The following CA8 variants were observed in gnomAD, a reference collection of about 807,000 sequenced individuals.
CA8 encodes carbonic anhydrase 8 (inactive).
In CA8, 22 loss-of-function variants were observed where a neutral mutation model predicts 41.4. The observed-to-expected ratio is 0.53, with a 90% CI of 0.38 to 0.76. The LOEUF (loss-of-function observed/expected upper bound fraction) is 0.76. Ranked by LOEUF, CA8 falls within the 30% of genes least tolerant of loss-of-function variation. The pLI is 0.00. For synonymous variants in CA8, 121 were observed against 130.6 expected, an observed-to-expected ratio of 0.93 and a Z score of 0.50; for missense variants, 270 against 352.8, an observed-to-expected ratio of 0.77 and a Z score of 1.88.
At chr8:60,239,957 TTCTTTATAAATTACCCAGTGTTGGCTATG>T (rs1807963173) in intron 3 of CA8, among the ~76,000 whole-genome samples, 1 of 152,236 alleles carries the variant, frequency 6.6e-6, no homozygotes, top group African/African-American at 2.4e-5. Flanking sequence ...AAACCTCTTT[TTCTTTATAAATTACCCAGTGTTGGCTATG>T]TCTTTATCAG....
chr8:60,272,843 C>G (rs1260439714), intron 2 of CA8, among the ~76,000 whole-genome samples: 1 of 152,162 alleles, frequency 6.6e-6, no homozygotes, highest in East Asian at 1.9e-4. Context: ...CCAACCTCAC[C>G]CTGCAGGCCA....
At chr8:60,195,961 C>T (rs1231484615) in intron 8 of CA8, among the ~76,000 whole-genome samples, 2 of 151,920 alleles carry the variant, frequency 1.3e-5, no homozygotes, top group African/African-American at 2.4e-5. Flanking sequence ...AAACAGAAAT[C>T]CAAGCACATG....
intron 2 of CA8, among the ~76,000 whole-genome samples, chr8:60,268,872 A>C (rs888671296): frequency 1.1e-4 from 17 of 152,160 alleles, no homozygotes. Context: ...ATACAATTAC[A>C]ATAAAGTAAT....
chr8:60,223,078 T>G (rs1807305930), intron 6 of CA8, among the ~76,000 whole-genome samples: 1 of 152,262 alleles, frequency 6.6e-6, no homozygotes, highest in African/African-American at 2.4e-5. Context: ...CTATTTCATA[T>G]CTAATATTTA....
At chr8:60,229,698 C>T (rs1262255230) in intron 4 of CA8, among the ~76,000 whole-genome samples, 1 of 152,130 alleles carries the variant, frequency 6.6e-6, no homozygotes, top group African/African-American at 2.4e-5. Flanking sequence ...CCTCTCTGAC[C>T]AGATGCCCCG....
rs1806013590 is a variant in CA8 at position 60,188,147 on chromosome 8, T to A, written c.*1874A>T. ...CTCAGAAAATATACAGTAAATAAAT[T>A]CAAATTGCTTCAATATACAGACATA... is the stretch of plus-strand genomic sequence containing the variant. On this transcript the variant is annotated 3_prime_UTR_variant, in exon 9 of 9. Transcript: ENST00000317995. 6.6e-6 allele frequency: 1 copy of A among 152,142 alleles called. No homozygotes were observed. Among genetic ancestry groups the A allele is most frequent in the Admixed American group, 6.5e-5 (1 of 15,276 alleles). The allele number at this position is 152,142 out of a possible 1,614,324, so 9.4% of individuals were successfully genotyped here.
At chr8:60,273,906 A>G (rs1437236264) in intron 2 of CA8, among the ~76,000 whole-genome samples, 1 of 152,286 alleles carries the variant, frequency 6.6e-6, no homozygotes, top group Non-Finnish European at 1.5e-5. Context: ...GGGATTATAT[A>G]TACAGGAACA....
chr8:60,209,508 T>C (rs1172453823), intron 7 of CA8, among the ~76,000 whole-genome samples: 1 of 152,092 alleles, frequency 6.6e-6, no homozygotes, highest in African/African-American at 2.4e-5. Context: ...TACAAACCTC[T>C]CCCAAAAAGG....
intron 2 of CA8, among the ~76,000 whole-genome samples, chr8:60,273,582 A>G (rs1804137867): frequency 6.6e-6 from 1 of 152,238 alleles, no homozygotes; most frequent in Non-Finnish European, 1.5e-5. Context: ...AGGGTTCAGA[A>G]GGAAACCTTA....
chr8:60,220,831 A>C (rs1212873609), intron 7 of CA8, among the ~76,000 whole-genome samples: 4 of 152,150 alleles, frequency 2.6e-5, no homozygotes, highest in Admixed American at 2.0e-4. Context: ...AAGCAAGCAC[A>C]AGTGGAGCTC....
chr8:60,239,719 CTTG>C (rs1232612398), intron 3 of CA8, among the ~76,000 whole-genome samples: 1 of 152,142 alleles, frequency 6.6e-6, no homozygotes, highest in African/African-American at 2.4e-5. Context: ...ATAATTCTCA[CTTG>C]TTGTGGGAGG....
intron 8 of CA8, among the ~76,000 whole-genome samples, chr8:60,192,463 A>T (rs1037073297): frequency 4.6e-5 from 7 of 152,180 alleles, no homozygotes; most frequent in African/African-American, 1.7e-4. Context: ...AAACTACAAT[A>T]CTGTGCTCCA....
intron 8 of CA8, among the ~76,000 whole-genome samples, chr8:60,190,701 T>C (rs1320881395): frequency 1.3e-5 from 2 of 150,116 alleles, no homozygotes; most frequent in Admixed American, 1.3e-4. Context: ...TAGGAACTTA[T>C]AATAGACATA....
At position 60,281,329 on chromosome 8, in the gene CA8, C is replaced by T. The variant is rs1804422460; in HGVS notation, c.-182G>A. 3.3e-6 allele frequency: 2 copies of T among 601,920 alleles called. No homozygotes were observed. Among genetic ancestry groups the T allele is most frequent in the Non-Finnish European group, 5.9e-6 (2 of 337,824 alleles). The allele number at this position is 601,920 out of a possible 1,614,324, so 37.3% of individuals were successfully genotyped here. ...GAGTGCAAGCAGGCGTGCGTTCGGACCGAGTGTTCCAGAGACCCGCGTGGG... is the reference window on the plus strand; with the variant it reads ...GAGTGCAAGCAGGCGTGCGTTCGGATCGAGTGTTCCAGAGACCCGCGTGGG... On this transcript the variant is annotated 5_prime_UTR_variant, in exon 1 of 9. Coordinates refer to ENST00000317995, the MANE Select transcript of CA8 (RefSeq NM_004056.6).
intron 4 of CA8, 21 bp from the exon 5 acceptor site, chr8:60,226,956 A>G (rs530396106): frequency 6.5e-7 from 1 of 1,537,508 alleles, no homozygotes; most frequent in African/African-American, 1.4e-5. Context: ...TAAAGCATAA[A>G]CCACAACCAC....
chr8:60,224,527 A>G lies in CA8; in HGVS notation c.625+10T>C, dbSNP rs772744413. On this transcript the variant is annotated intron_variant, in intron 6 of 8. Coordinates refer to ENST00000317995, the MANE Select transcript of CA8 (RefSeq NM_004056.6). ...TAAAATTCATTTTATGCAATCAGGT[A>G]AATACTCACCTGGTAATAAAGTGTT... is the stretch of plus-strand genomic sequence containing the variant. 3 of 1,527,198 alleles carry G rather than the reference A, an allele frequency of 2.0e-6. No individual in the cohort carries two copies. In the South Asian group the frequency reaches 3.4e-5, roughly 17 times the overall value. The allele number at this position is 1,527,198 out of a possible 1,614,324, so 94.6% of individuals were successfully genotyped here.
Position 60,188,172 on chromosome 8 carries a change from A to T in CA8, c.*1849T>A, listed in dbSNP as rs1806014764. On this transcript the variant is annotated 3_prime_UTR_variant, in exon 9 of 9. Coordinates refer to ENST00000317995, the MANE Select transcript of CA8 (RefSeq NM_004056.6). ...TCAAATTGCTTCAATATACAGACATAAACACACATACACACACACCTGTGA... is the reference window on the plus strand; with the variant it reads ...TCAAATTGCTTCAATATACAGACATTAACACACATACACACACACCTGTGA... The T allele has an allele frequency of 6.6e-6, 1 of 152,238 alleles. No individual in the cohort carries two copies. Among genetic ancestry groups the T allele is most frequent in the Non-Finnish European group, 1.5e-5 (1 of 68,042 alleles). The allele number at this position is 152,238 out of a possible 1,614,324, so 9.4% of individuals were successfully genotyped here. A position where few individuals can be genotyped will look rare whatever the true frequency, so the allele number is the denominator to read the frequency against.
chr8:60,270,376 G>A (rs910385522), intron 2 of CA8, among the ~76,000 whole-genome samples: 1 of 152,058 alleles, frequency 6.6e-6, no homozygotes, highest in Non-Finnish European at 1.5e-5. Flanking sequence ...GGATCCAAAG[G>A]ATTCATTCTT....
At chr8:60,233,795 A>AT (rs1563359865) in intron 3 of CA8, among the ~76,000 whole-genome samples, 1 of 151,110 alleles carries the variant, frequency 6.6e-6, no homozygotes. Context: ...ATTTTGGGGC[A>AT]TTTTTTTAAA....
Sources: allele counts gnomAD v4.1 joint callset (sites outside exome capture counted in the v4.1 genomes callset), GRCh38; gene constraint gnomAD v4.1.1; transcripts MANE v1.5; gene names NCBI Gene and HGNC (gene_info 2026-07-23, HGNC 2026-07-21).